Variants in OPRD1 observed in about 807,000 individuals in gnomAD.
The protein encoded by OPRD1 is delta-type opioid receptor.
A neutral mutation model predicts 17.5 loss-of-function variants in OPRD1; 19 were observed. The ratio of observed to expected loss-of-function variants is 1.09; its 90% CI spans 0.76 to 1.60. OPRD1 has a LOEUF of 1.60. OPRD1 is among the 40% of genes most tolerant of loss of function. OPRD1 has a pLI of 0.00. For synonymous variants in OPRD1, 256 were observed against 240.9 expected, an observed-to-expected ratio of 1.06 and a Z score of -0.58; for missense variants, 483 against 547.2, an observed-to-expected ratio of 0.88 and a Z score of 1.17.
rs2088789996 is a variant in OPRD1, at chr1:28,828,988, T to A, written c.227+16378T>A. ...CTGGGTAACAGAGTGAGACTCTGTC[T>A]CAAAAAAAAAAAAAAAGGAGAGAGA... On this transcript the variant is annotated intron_variant, in intron 1 of 2. Transcript: ENST00000234961. 6.9e-5 allele frequency among the ~76,000 whole-genome samples: 3 copies of A among 43,488 alleles called. No individual in the cohort carries two copies. The East Asian group carries it at 7.5e-3, about 109-fold the overall frequency. The allele number at this position is 43,488 out of a possible 152,430, so 28.5% of individuals were successfully genotyped here. A position where few individuals can be genotyped will look rare whatever the true frequency, so the allele number is the denominator to read the frequency against.
In OPRD1 at chr1:28,826,703, T is replaced by C. The variant is rs531867034; in HGVS notation, c.227+14093T>C. On this transcript the variant is annotated intron_variant, in intron 1 of 2. Transcript: ENST00000234961. ...GTGAAAGGTCTTACCTCAATATTGA[T>C]GGCTGCTGGTTGGGGGTAGTGGTTG... Among the ~76,000 whole-genome samples the C allele has an allele frequency of 7.9e-5, 12 of 152,270 alleles. No individual in the cohort carries two copies. In the South Asian group the frequency reaches 2.3e-3, roughly 29 times the overall value.
intron 1 of OPRD1, among the ~76,000 whole-genome samples, chr1:28,858,176 C>T (rs1446240777): frequency 1.4e-5 from 2 of 146,760 alleles, no homozygotes; most frequent in South Asian, 2.1e-4. Context: ...TGCAGTGGCG[C>T]AATCTCGGCT....
At chr1:28,814,608 C>G (rs908243429) in intron 1 of OPRD1, among the ~76,000 whole-genome samples, 2 of 152,182 alleles carry the variant, frequency 1.3e-5, no homozygotes, top group African/African-American at 4.8e-5. Flanking sequence ...CAACCTTTTC[C>G]CCGGGGCCTC....
At chr1:28,847,766 A>C (rs2088966467) in intron 1 of OPRD1, among the ~76,000 whole-genome samples, 1 of 152,126 alleles carries the variant, frequency 6.6e-6, no homozygotes, top group Non-Finnish European at 1.5e-5. Context: ...AGAAGGCCAA[A>C]GCTACAGTGA....
Position 28,824,313 on chromosome 1 carries a change from C to CT in OPRD1, c.227+11722dup, listed in dbSNP as rs58074384. ...TGGATGATGGTTCTTTTTCTTTTTT[C>CT]TTTTTTTTTTTTTTTTTTTGAGATG... On this transcript the variant is annotated intron_variant, in intron 1 of 2. Transcript: ENST00000234961. Among the ~76,000 whole-genome samples, 577 of 109,786 alleles carry CT rather than the reference C, an allele frequency of 5.3e-3. 5 individuals carry two copies. The highest frequency in any genetic ancestry group is 0.018 in the East Asian group (73 of 3,960). 72.0% of individuals were successfully genotyped at this position (109,786 alleles called of 152,430 possible). A position where few individuals can be genotyped will look rare whatever the true frequency, so the allele number is the denominator to read the frequency against.
At chr1:28,836,929 A>C (rs2088858917) in intron 1 of OPRD1, among the ~76,000 whole-genome samples, 1 of 152,144 alleles carries the variant, frequency 6.6e-6, no homozygotes, top group African/African-American at 2.4e-5. Flanking sequence ...CGATGGGGGC[A>C]GGGTGGGGGA....
At chr1:28,818,109 T>C (rs2088684444) in intron 1 of OPRD1, among the ~76,000 whole-genome samples, 1 of 152,234 alleles carries the variant, frequency 6.6e-6, no homozygotes, top group South Asian at 2.1e-4. Context: ...GCATAGCACC[T>C]GGCATGCCCT....
At chr1:28,849,136 C>T (rs2088977736) in intron 1 of OPRD1, among the ~76,000 whole-genome samples, 1 of 152,142 alleles carries the variant, frequency 6.6e-6, no homozygotes, top group Non-Finnish European at 1.5e-5. Flanking sequence ...GGCACGGTGG[C>T]TCATGCCTGT....
At chr1:28,837,368 G>T (rs904061559) in intron 1 of OPRD1, among the ~76,000 whole-genome samples, 2 of 152,088 alleles carry the variant, frequency 1.3e-5, no homozygotes. Context: ...CAGGGTTGGG[G>T]ACCAGGTGCA....
At chr1:28,836,509 C>CAAAA (rs36110179) in intron 1 of OPRD1, among the ~76,000 whole-genome samples, 4 of 136,030 alleles carry the variant, frequency 2.9e-5, no homozygotes, top group Admixed American at 7.6e-5. Flanking sequence ...GATTCCATCT[C>CAAAA]AAAAAAAAAA....
chr1:28,851,205 G>C (rs1027529514), intron 1 of OPRD1, among the ~76,000 whole-genome samples: 15 of 152,204 alleles, frequency 9.9e-5, no homozygotes, highest in African/African-American at 2.9e-4. Context: ...TATGCAGGTA[G>C]AGAGGACAGA....
At chr1:28,848,888 G>A (rs937645325) in intron 1 of OPRD1, among the ~76,000 whole-genome samples, 1 of 152,178 alleles carries the variant, frequency 6.6e-6, no homozygotes, top group African/African-American at 2.4e-5. Context: ...GACAGCAGGG[G>A]TGAGGTGTGG....
rs1380671121 is a variant in OPRD1 at position 28,859,252 on chromosome 1, G to A, written c.526G>A (p.Ala176Thr). Residue 176 changes from alanine (A) to threonine (T), a missense_variant, in exon 2 of 3, where the codon GCC becomes ACC. Physicochemically the swap from Ala to Thr is moderately conservative, Grantham distance 58 (BLOSUM62 0). Coordinates refer to ENST00000234961, the MANE Select transcript of OPRD1 (RefSeq NM_000911.4). ...GATCAACATCTGTATCTGGGTCCTGGCCTCAGGCGTTGGCGTGCCCATCAT... is the reference window on the plus strand; with the variant it reads ...GATCAACATCTGTATCTGGGTCCTGACCTCAGGCGTTGGCGTGCCCATCAT... The part of the protein sequence containing the change: ...KLINICIWVL[A>T]SGVGVPIMVM... 1.2e-6 allele frequency: 2 copies of A among 1,614,226 alleles called. No homozygotes were observed. Among genetic ancestry groups the A allele is most frequent in the Admixed American group, 1.7e-5 (1 of 60,030 alleles).
intron 1 of OPRD1, among the ~76,000 whole-genome samples, chr1:28,840,889 C>G (rs1213204788): frequency 6.6e-6 from 1 of 151,992 alleles, no homozygotes; most frequent in Non-Finnish European, 1.5e-5. Flanking sequence ...CCACTGCACT[C>G]TAGCCTGGGA....
chr1:28,822,456 ATTGT>A (rs144973353), intron 1 of OPRD1, among the ~76,000 whole-genome samples: 4,607 of 151,666 alleles, frequency 0.03, 213 homozygotes, highest in African/African-American at 0.1. Context: ...ATTTTATTTT[ATTGT>A]TTGTTTATCG....
intron 1 of OPRD1, among the ~76,000 whole-genome samples, chr1:28,851,854 T>C (rs1354312411): frequency 1.2e-5 from 1 of 83,334 alleles, no homozygotes; most frequent in Non-Finnish European, 2.2e-5. Context: ...AAACTCCGTC[T>C]CAAAAAAAAG....
intron 2 of OPRD1, among the ~76,000 whole-genome samples, chr1:28,861,659 G>T (rs2089122892): frequency 6.6e-6 from 1 of 152,052 alleles, no homozygotes; most frequent in Non-Finnish European, 1.5e-5. Flanking sequence ...TGCCCAGGCT[G>T]GTCTCCAGCT....
At chr1:28,828,298 C>T (rs897443375) in intron 1 of OPRD1, among the ~76,000 whole-genome samples, 5 of 152,060 alleles carry the variant, frequency 3.3e-5, no homozygotes, top group African/African-American at 9.7e-5. Context: ...TGTCAATAAG[C>T]GATAATATTT....
chr1:28,813,907 T>C (rs76482001), intron 1 of OPRD1, among the ~76,000 whole-genome samples: 7,560 of 152,278 alleles, frequency 0.05, 224 homozygotes, highest in Middle Eastern at 0.099. Context: ...AATACAGACC[T>C]AATCTCCTCA....
Sources: gnomAD v4.1 joint callset for allele counts (sites outside exome capture counted in the v4.1 genomes callset) on GRCh38, gnomAD v4.1.1 for gene constraint, MANE v1.5 for transcripts, NCBI Gene and HGNC (gene_info 2026-07-23, HGNC 2026-07-21) for gene names.